Variants in SHISA9 observed in about 807,000 individuals in gnomAD.
SHISA9 encodes the protein protein shisa-9.
In SHISA9, 13 loss-of-function variants were observed where a neutral mutation model predicts 38.0. The observed-to-expected ratio is 0.34, with a 90% CI of 0.22 to 0.54. SHISA9 has a LOEUF of 0.54. Ranked by LOEUF, SHISA9 falls within the 20% of genes least tolerant of loss-of-function variation. The pLI, the probability that SHISA9 is intolerant of heterozygous loss-of-function variation, is 0.91. For synonymous variants in SHISA9, 275 were observed against 242.0 expected (o/e 1.14, Z -1.27); for missense variants, 538 against 575.8 (o/e 0.93, Z 0.67).
rs546708108 is a variant in SHISA9 at position 13,100,723 on chromosome 16, T to C, written c.692-102671T>C. On this transcript the variant is annotated intron_variant, in intron 2 of 4. Coordinates refer to ENST00000558583, the MANE Select transcript of SHISA9 (RefSeq NM_001145204.3). ...ACGAGTTTGGCTATTTATTTATTTA[T>C]TGAGATGAGGTTTCGCTCTTGTTGC... 5.3e-5 allele frequency among the ~76,000 whole-genome samples: 8 copies of C among 152,340 alleles called. No homozygotes were observed. The South Asian group carries it at 1.7e-3, about 32-fold the overall frequency.
chr16:13,005,910 G>T (rs1196686134), intron 2 of SHISA9, among the ~76,000 whole-genome samples: 1 of 152,198 alleles, frequency 6.6e-6, no homozygotes, highest in Non-Finnish European at 1.5e-5. Flanking sequence ...GGTGACCTCG[G>T]CATATGAGCA....
At chr16:13,423,123 A>T in the SHISA9 span, among the ~76,000 whole-genome samples, 2 of 152,310 alleles carry the variant, frequency 1.3e-5, no homozygotes, top group African/African-American at 4.8e-5. Flanking sequence ...TGAGTCAGTG[A>T]CTTGAAGATG....
chr16:13,434,039 A>C, the SHISA9 span, among the ~76,000 whole-genome samples: 3 of 152,202 alleles, frequency 2.0e-5, no homozygotes, highest in Admixed American at 1.3e-4. Context: ...TACGAGTCCC[A>C]AAACCTCAAA....
At chr16:13,017,999 A>G (rs1288404696) in intron 2 of SHISA9, among the ~76,000 whole-genome samples, 1 of 152,206 alleles carries the variant, frequency 6.6e-6, no homozygotes, top group Non-Finnish European at 1.5e-5. Context: ...AACGTTCTGG[A>G]CTTGGCTTTC....
Position 13,205,155 on chromosome 16 carries a change from A to G in SHISA9, c.847+1606A>G, listed in dbSNP as rs548965913. Among the ~76,000 whole-genome samples, 139 of 152,308 alleles carry G rather than the reference A, an allele frequency of 9.1e-4. 1 individual carries two copies. Among genetic ancestry groups the G allele is most frequent in the Non-Finnish European group, 5.9e-4 (40 of 68,032 alleles). ...CCCCAGGTCCACCCTGGAGATTTCA[A>G]TTGAACTGGTTGAGGATAAGATTCA... On this transcript the variant is annotated intron_variant, in intron 3 of 4. Transcript: ENST00000558583.
chr16:12,929,227 G>A (rs938197405), intron 2 of SHISA9, among the ~76,000 whole-genome samples: 8 of 152,196 alleles, frequency 5.3e-5, no homozygotes, highest in African/African-American at 1.9e-4. Context: ...GGGAGACAGT[G>A]TGGTGAGTCC....
chr16:12,966,847 C>T (rs1023125298), intron 2 of SHISA9, among the ~76,000 whole-genome samples: 1 of 152,190 alleles, frequency 6.6e-6, no homozygotes, highest in African/African-American at 2.4e-5. Flanking sequence ...CAGATCTGTC[C>T]TGGGTGGTTA....
the SHISA9 span, among the ~76,000 whole-genome samples, chr16:13,299,471 T>C: frequency 6.6e-6 from 1 of 152,116 alleles, no homozygotes. Flanking sequence ...CTCAGCACTT[T>C]AGGAGGCTGA....
At chr16:13,102,502 G>A (rs1211157068) in intron 2 of SHISA9, among the ~76,000 whole-genome samples, 1 of 152,164 alleles carries the variant, frequency 6.6e-6, no homozygotes, top group East Asian at 1.9e-4. Flanking sequence ...ACACTGAGAG[G>A]CAAGGGAGAG....
At chr16:13,267,534 C>A in the SHISA9 span, among the ~76,000 whole-genome samples, 1 of 152,260 alleles carries the variant, frequency 6.6e-6, no homozygotes, top group South Asian at 2.1e-4. Flanking sequence ...TTCAACAATT[C>A]TACCTCCAAG....
intron 2 of SHISA9, among the ~76,000 whole-genome samples, chr16:13,148,211 C>A (rs2050464649): frequency 6.6e-6 from 1 of 152,106 alleles, no homozygotes; most frequent in South Asian, 2.1e-4. Context: ...TTCCTACATG[C>A]ATTTCCCACA....
intron 2 of SHISA9, among the ~76,000 whole-genome samples, chr16:12,918,748 C>T (rs2071290590): frequency 1.3e-5 from 2 of 152,162 alleles, no homozygotes; most frequent in South Asian, 2.1e-4. Context: ...TAGCACTAGA[C>T]TAGAGAATTC....
At chr16:13,466,394 C>T in the SHISA9 span, among the ~76,000 whole-genome samples, 131 of 152,272 alleles carry the variant, frequency 8.6e-4, no homozygotes, top group African/African-American at 3.0e-3. Context: ...CTTAAAATTA[C>T]CATGCCCTGT....
In SHISA9 at chr16:12,916,011, GTTT is replaced by G. The variant is rs34050190; in HGVS notation, c.564-660_564-658del. ...GTTTTTTTTTTGTGTGTGTGTGTGTGTTTTTTTTTTTTTTTTTTTGCTAAGTTT... is the reference window on the plus strand; with the variant it reads ...GTTTTTTTTTTGTGTGTGTGTGTGTGTTTTTTTTTTTTTTTTGCTAAGTTT... On this transcript the variant is annotated intron_variant, in intron 1 of 4. Coordinates refer to ENST00000558583, the MANE Select transcript of SHISA9 (RefSeq NM_001145204.3). Among the ~76,000 whole-genome samples, 556 of 90,466 alleles carry G rather than the reference GTTT, an allele frequency of 6.1e-3. 1 individual carries two copies. Among genetic ancestry groups the G allele is most frequent in the Non-Finnish European group, 8.8e-3 (417 of 47,590 alleles). 59.3% of individuals were successfully genotyped at this position (90,466 alleles called of 152,430 possible).
At chr16:13,392,857 G>C in the SHISA9 span, among the ~76,000 whole-genome samples, 7 of 152,224 alleles carry the variant, frequency 4.6e-5, no homozygotes, top group Admixed American at 2.6e-4. Flanking sequence ...GAGAAGCTAA[G>C]GCAGAGGCCT....
chr16:12,978,132 CACA>C (rs1450852238), intron 2 of SHISA9, among the ~76,000 whole-genome samples: 1 of 152,110 alleles, frequency 6.6e-6, no homozygotes, highest in Non-Finnish European at 1.5e-5. Context: ...GGGCAGATGA[CACA>C]ACAATGGGAT....
intron 2 of SHISA9, among the ~76,000 whole-genome samples, chr16:13,151,100 G>C (rs2050495147): frequency 6.6e-6 from 1 of 151,796 alleles, no homozygotes; most frequent in Non-Finnish European, 1.5e-5. Context: ...GTGGCACCTG[G>C]TCACTTTTAT....
intron 2 of SHISA9, among the ~76,000 whole-genome samples, chr16:12,995,019 A>G (rs2072440485): frequency 6.6e-6 from 1 of 152,096 alleles, no homozygotes; most frequent in Non-Finnish European, 1.5e-5. Flanking sequence ...AAGCCACAGG[A>G]GTGGATAAGC....
chr16:13,005,405 G>A (rs1211724974), intron 2 of SHISA9, among the ~76,000 whole-genome samples: 3 of 152,164 alleles, frequency 2.0e-5, no homozygotes, highest in Non-Finnish European at 4.4e-5. Context: ...CTATGTGCCA[G>A]GTCATCTTGC....
Sources: allele counts gnomAD v4.1 joint callset (sites outside exome capture counted in the v4.1 genomes callset), GRCh38; gene constraint gnomAD v4.1.1; transcripts MANE v1.5; gene names NCBI Gene and HGNC (gene_info 2026-07-23, HGNC 2026-07-21).